SLC30A9: variants seen among roughly 807,000 people sequenced by gnomAD.
The protein encoded by SLC30A9 is proton-coupled zinc antiporter SLC30A9, mitochondrial.
SLC30A9 carries 58 observed loss-of-function variants against 87.5 expected under a neutral mutation model. That is an observed-to-expected ratio of 0.66 (90% CI 0.54 to 0.82). The LOEUF (loss-of-function observed/expected upper bound fraction) is 0.82. SLC30A9 is among the 40% of genes least tolerant of loss of function. The pLI is 0.00. For missense variants in SLC30A9, 557 were observed against 679.1 expected (o/e 0.82, Z 2.00); for synonymous variants, 234 against 233.0 (o/e 1.00, Z -0.04).
chr4:42,037,702 G>A (rs1716748372), intron 7 of SLC30A9, among the ~76,000 whole-genome samples: 1 of 152,124 alleles, frequency 6.6e-6, no homozygotes, highest in Admixed American at 6.6e-5. Flanking sequence ...TGGCTATCCA[G>A]TTTCATTAAT....
intron 4 of SLC30A9, among the ~76,000 whole-genome samples, chr4:42,022,505 G>A (rs950259488): frequency 6.6e-6 from 1 of 151,996 alleles, no homozygotes. Context: ...GAGCCACCAC[G>A]CATTACCTAA....
intron 9 of SLC30A9, among the ~76,000 whole-genome samples, chr4:42,054,813 C>T (rs951492032): frequency 6.6e-6 from 1 of 151,476 alleles, no homozygotes; most frequent in East Asian, 2.0e-4. Context: ...GAATTAGTAT[C>T]GATTTTTAAA....
At chr4:42,004,552 C>T (rs191699274) in intron 2 of SLC30A9, among the ~76,000 whole-genome samples, 23 of 152,166 alleles carry the variant, frequency 1.5e-4, no homozygotes, top group Non-Finnish European at 2.6e-4. Flanking sequence ...ATTATTTCCT[C>T]AGGTCTACCA....
rs371473674 is a variant in SLC30A9, at chr4:41,998,067, A to G, written c.110-3549A>G. 2.5e-3 allele frequency among the ~76,000 whole-genome samples: 386 copies of G among 152,364 alleles called. 1 individual carries two copies. Among genetic ancestry groups the G allele is most frequent in the African/African-American group, 8.9e-3 (370 of 41,590 alleles). On this transcript the variant is annotated intron_variant, in intron 1 of 17. Transcript: ENST00000264451. The stretch of plus-strand genomic sequence containing the variant: ...AGAAAAAGAGTGTCTTTTTGTTGTT[A>G]TTCGTAGCCTAAAAATGATGGCCAG...
Position 42,042,643 on chromosome 4 carries a change from C to T in SLC30A9, c.737+3590C>T, listed in dbSNP as rs1035214167. Among the ~76,000 whole-genome samples, 7 of 152,206 alleles carry T rather than the reference C, an allele frequency of 4.6e-5. No homozygotes were observed. The East Asian group carries it at 5.8e-4, about 13-fold the overall frequency. On this transcript the variant is annotated intron_variant, in intron 8 of 17. Coordinates refer to ENST00000264451, the MANE Select transcript of SLC30A9 (RefSeq NM_006345.4). ...ACTTGGGGGTAGGGGCGGCTGTGGG[C>T]GCAGCTTCAGCAGACTTAAACGTTC...
intron 8 of SLC30A9, among the ~76,000 whole-genome samples, chr4:42,039,609 C>T (rs561991823): frequency 2.0e-5 from 3 of 151,838 alleles, no homozygotes; most frequent in African/African-American, 7.3e-5. Context: ...ATTATAGGTG[C>T]GCGCCATCAT....
At chr4:42,050,325 T>C (rs762148405) in intron 9 of SLC30A9, among the ~76,000 whole-genome samples, 44 of 152,154 alleles carry the variant, frequency 2.9e-4, no homozygotes, top group Non-Finnish European at 5.0e-4. Flanking sequence ...TTAAATACTG[T>C]CTCTATAAAA....
At chr4:42,046,713 C>T (rs1008035900) in intron 8 of SLC30A9, among the ~76,000 whole-genome samples, 2 of 152,064 alleles carry the variant, frequency 1.3e-5, no homozygotes, top group South Asian at 4.1e-4. Flanking sequence ...ACTTTCTTCA[C>T]AGAATTAGAA....
chr4:42,056,950 G>A (rs940625143), intron 9 of SLC30A9, among the ~76,000 whole-genome samples: 13 of 152,140 alleles, frequency 8.5e-5, no homozygotes, highest in African/African-American at 1.7e-4. Context: ...AGAATCCAGC[G>A]GGGCAGTCAA....
At chr4:41,998,462 C>CTTTTTTTTTTTT (rs34295020) in intron 1 of SLC30A9, among the ~76,000 whole-genome samples, 3 of 144,950 alleles carry the variant, frequency 2.1e-5, no homozygotes, top group African/African-American at 2.5e-5. Flanking sequence ...TTCAGTAATT[C>CTTTTTTTTTTTT]TTTTTTTTTG....
intron 15 of SLC30A9, among the ~76,000 whole-genome samples, chr4:42,073,758 C>T (rs4572907): frequency 0.65 from 99,278 of 152,066 alleles, 36,909 homozygotes; most frequent in East Asian, 0.96. Context: ...CAATAGAGAG[C>T]GAGTGTGAAC....
intron 2 of SLC30A9, among the ~76,000 whole-genome samples, chr4:42,007,473 C>T (rs1221832521): frequency 6.6e-6 from 1 of 152,090 alleles, no homozygotes; most frequent in African/African-American, 2.4e-5. Flanking sequence ...CACATCAGGT[C>T]GGGTGCAGTG....
chr4:42,044,386 CAAA>C (rs57572080), intron 8 of SLC30A9, among the ~76,000 whole-genome samples: 38 of 98,682 alleles, frequency 3.9e-4, no homozygotes, highest in Non-Finnish European at 4.9e-4. Context: ...AAATGGAAAG[CAAA>C]AAAAAAAAAA....
intron 1 of SLC30A9, among the ~76,000 whole-genome samples, chr4:41,995,604 C>A (rs1714665265): frequency 6.6e-6 from 1 of 152,120 alleles, no homozygotes; most frequent in African/African-American, 2.4e-5. Flanking sequence ...GAGGTAATGA[C>A]TGAGCCTAGG....
At chr4:42,023,816 G>A (rs1716075778) in intron 6 of SLC30A9, among the ~76,000 whole-genome samples, 1 of 152,160 alleles carries the variant, frequency 6.6e-6, no homozygotes, top group Non-Finnish European at 1.5e-5. Context: ...GCCTCAGGAA[G>A]CATACAATCA....
At chr4:42,074,018 A>G (rs1413663026) in intron 15 of SLC30A9, among the ~76,000 whole-genome samples, 1 of 152,212 alleles carries the variant, frequency 6.6e-6, no homozygotes, top group Non-Finnish European at 1.5e-5. Context: ...CCAAATAATG[A>G]AATGTGTTTA....
At chr4:41,995,614 G>A (rs1317500088) in intron 1 of SLC30A9, among the ~76,000 whole-genome samples, 1 of 152,224 alleles carries the variant, frequency 6.6e-6, no homozygotes, top group Non-Finnish European at 1.5e-5. Flanking sequence ...CTGAGCCTAG[G>A]CATGAAAGAT....
chr4:42,043,226 A>G (rs1248479046), intron 8 of SLC30A9, among the ~76,000 whole-genome samples: 2 of 152,182 alleles, frequency 1.3e-5, no homozygotes, highest in African/African-American at 4.8e-5. Context: ...ACGGAGAATG[A>G]GTTTGACGAA....
intron 2 of SLC30A9, among the ~76,000 whole-genome samples, chr4:42,004,456 A>G (rs1715111998): frequency 6.6e-6 from 1 of 152,036 alleles, no homozygotes; most frequent in Non-Finnish European, 1.5e-5. Context: ...TCAATTAGAA[A>G]TATGTTACAT....
Sources: allele counts gnomAD v4.1 joint callset (sites outside exome capture counted in the v4.1 genomes callset), GRCh38; gene constraint gnomAD v4.1.1; transcripts MANE v1.5; gene names NCBI Gene and HGNC (gene_info 2026-07-23, HGNC 2026-07-21).